Variants in RGS6 observed in about 807,000 individuals in gnomAD.
The protein encoded by RGS6 is regulator of G protein signaling 6.
Under a neutral mutation model 78.5 loss-of-function variants are expected in RGS6, and 30 were observed. The ratio of observed to expected loss-of-function variants is 0.38; its 90% CI spans 0.29 to 0.52. RGS6 has a LOEUF of 0.52. Among genes scored for constraint, RGS6 ranks in the 20% least tolerant of loss-of-function variants. The pLI is 0.85. For missense variants in RGS6, 495 were observed against 609.7 expected (o/e 0.81, Z 1.98); for synonymous variants, 206 against 206.0 (o/e 1.00, Z 0.00).
the RGS6 span, among the ~76,000 whole-genome samples, chr14:71,886,496 G>A: frequency 1.5e-4 from 23 of 152,190 alleles, no homozygotes; most frequent in African/African-American, 4.1e-4. Context: ...GAGTTTTTTC[G>A]TTTAGTAGTC....
intron 2 of RGS6, among the ~76,000 whole-genome samples, chr14:72,225,744 G>C (rs947073123): frequency 6.6e-6 from 1 of 151,976 alleles, no homozygotes; most frequent in Non-Finnish European, 1.5e-5. Context: ...TATGCTTTTT[G>C]CAAAAATAGG....
intron 2 of RGS6, among the ~76,000 whole-genome samples, chr14:71,984,576 A>G (rs2153149712): frequency 6.6e-6 from 1 of 152,218 alleles, no homozygotes; most frequent in East Asian, 1.9e-4. Flanking sequence ...AAGAAAGGGT[A>G]GGAGTTGGCT....
At chr14:72,116,153 A>G (rs911831423) in intron 2 of RGS6, among the ~76,000 whole-genome samples, 3 of 152,234 alleles carry the variant, frequency 2.0e-5, no homozygotes, top group African/African-American at 7.2e-5. Flanking sequence ...TTGTACACAC[A>G]TATGTGATGC....
At chr14:72,123,209 C>A (rs1597967234) in intron 2 of RGS6, among the ~76,000 whole-genome samples, 1 of 152,194 alleles carries the variant, frequency 6.6e-6, no homozygotes, top group African/African-American at 2.4e-5. Context: ...CATCACCTCC[C>A]AAAGTGCTGG....
chr14:72,046,627 C>T (rs148787436), intron 2 of RGS6, among the ~76,000 whole-genome samples: 532 of 151,844 alleles, frequency 3.5e-3, no homozygotes, highest in Non-Finnish European at 5.7e-3. Flanking sequence ...CCTCTTCCTC[C>T]TCCCCCAACC....
At chr14:72,378,117 G>A (rs1257841494) in intron 3 of RGS6, among the ~76,000 whole-genome samples, 2 of 152,144 alleles carry the variant, frequency 1.3e-5, no homozygotes, top group Admixed American at 6.5e-5. Context: ...ACCAGTGAGT[G>A]AAGGAAAAAA....
At chr14:72,172,253 C>T (rs1331851013) in intron 2 of RGS6, among the ~76,000 whole-genome samples, 1 of 150,732 alleles carries the variant, frequency 6.6e-6, no homozygotes, top group Non-Finnish European at 1.5e-5. Context: ...ACTCAGCAGT[C>T]CTTTCGAGAT....
chr14:72,090,748 C>T (rs192768774), intron 2 of RGS6, among the ~76,000 whole-genome samples: 2 of 152,300 alleles, frequency 1.3e-5, no homozygotes, highest in Non-Finnish European at 1.5e-5. Context: ...TGCCACAAAG[C>T]TCCCTTTTTG....
At chr14:72,358,343 G>A (rs754756284) in intron 3 of RGS6, among the ~76,000 whole-genome samples, 6 of 152,184 alleles carry the variant, frequency 3.9e-5, no homozygotes, top group Non-Finnish European at 7.4e-5. Context: ...ACTCCAGAAT[G>A]GTAGGTCCAC....
intron 2 of RGS6, among the ~76,000 whole-genome samples, chr14:72,176,772 T>A (rs1015130604): frequency 6.6e-6 from 1 of 152,218 alleles, no homozygotes; most frequent in Non-Finnish European, 1.5e-5. Context: ...TAAAGTCCAC[T>A]AATCTTGTCT....
chr14:72,154,238 C>T lies in RGS6; in HGVS notation c.84+189363C>T, dbSNP rs561556583. Among the ~76,000 whole-genome samples the T allele has an allele frequency of 8.5e-5, 13 of 152,122 alleles. No homozygotes were observed. In the East Asian group the frequency reaches 9.7e-4, roughly 11 times the overall value. On this transcript the variant is annotated intron_variant, in intron 2 of 17. Coordinates refer to ENST00000553525, the MANE Select transcript of RGS6 (RefSeq NM_001204424.2). ...TTGTCTTCCCTTGTTCCCTAAAAGTCGCTGTTATTCTGTTCTTTTTCAAGG... is the reference window on the plus strand; with the variant it reads ...TTGTCTTCCCTTGTTCCCTAAAAGTTGCTGTTATTCTGTTCTTTTTCAAGG...
At chr14:71,902,122 A>G in the RGS6 span, among the ~76,000 whole-genome samples, 42 of 152,312 alleles carry the variant, frequency 2.8e-4, no homozygotes, top group African/African-American at 8.7e-4. Flanking sequence ...TTGTTGATCA[A>G]CTGAAAACCA....
chr14:72,395,367 G>A (rs2090976094), intron 3 of RGS6, among the ~76,000 whole-genome samples: 2 of 151,944 alleles, frequency 1.3e-5, no homozygotes, highest in African/African-American at 4.8e-5. Context: ...TAGAGAAGTT[G>A]GCTGGCTAGA....
chr14:72,283,920 G>T (rs1360162162), intron 2 of RGS6, among the ~76,000 whole-genome samples: 2 of 152,184 alleles, frequency 1.3e-5, no homozygotes, highest in Non-Finnish European at 2.9e-5. Context: ...ATGAAGTCCA[G>T]ATTGAGGTGT....
chr14:72,451,526 A>G (rs1003419332), intron 3 of RGS6, among the ~76,000 whole-genome samples: 8 of 152,062 alleles, frequency 5.3e-5, no homozygotes, highest in African/African-American at 1.9e-4. Flanking sequence ...GATAGCAAGG[A>G]AGGAGTTTCA....
chr14:72,589,115 A>T, the RGS6 span, among the ~76,000 whole-genome samples: 1 of 152,208 alleles, frequency 6.6e-6, no homozygotes, highest in East Asian at 1.9e-4. Flanking sequence ...CTACACTAAT[A>T]ATTTAAGAAA....
chr14:72,278,798 T>G (rs2061111151), intron 2 of RGS6, among the ~76,000 whole-genome samples: 1 of 152,046 alleles, frequency 6.6e-6, no homozygotes, highest in African/African-American at 2.4e-5. Context: ...TACGGTACCA[T>G]AGACTAGGTG....
At chr14:72,354,971 A>G (rs1226149847) in intron 3 of RGS6, among the ~76,000 whole-genome samples, 4 of 152,008 alleles carry the variant, frequency 2.6e-5, no homozygotes, top group Non-Finnish European at 2.9e-5. Flanking sequence ...ATTTTGTTCA[A>G]TAATGTTTAA....
the RGS6 span, among the ~76,000 whole-genome samples, chr14:71,893,306 T>G: frequency 1.1e-3 from 163 of 152,340 alleles, no homozygotes; most frequent in African/African-American, 3.7e-3. Context: ...GCTTAAAATA[T>G]TGTTTGAGTA....
Sources: allele counts gnomAD v4.1 joint callset (sites outside exome capture counted in the v4.1 genomes callset), GRCh38; gene constraint gnomAD v4.1.1; transcripts MANE v1.5; gene names NCBI Gene and HGNC (gene_info 2026-07-23, HGNC 2026-07-21).